The following DNAJC5B variants were observed in gnomAD, a reference collection of about 807,000 sequenced individuals.
DNAJC5B encodes DnaJ heat shock protein family (Hsp40) member C5 beta, also known as dnaJ homolog subfamily C member 5B.
DNAJC5B carries 23 observed loss-of-function variants against 24.7 expected under a neutral mutation model. The observed-to-expected ratio is 0.93, with a 90% CI of 0.67 to 1.32. The LOEUF (loss-of-function observed/expected upper bound fraction) is 1.32, where lower values mean the gene tolerates loss of function less well. Among genes scored for constraint, DNAJC5B ranks in the 40% most tolerant of loss-of-function variants. DNAJC5B has a pLI of 0.00. For missense variants in DNAJC5B, 238 were observed against 240.8 expected (o/e 0.99, Z 0.08); for synonymous variants, 101 against 90.1 (o/e 1.12, Z -0.68).
intron 2 of DNAJC5B, among the ~76,000 whole-genome samples, chr8:66,047,986 G>A (rs1014237361): frequency 6.6e-6 from 1 of 152,178 alleles, no homozygotes; most frequent in African/African-American, 2.4e-5. Flanking sequence ...AGGGAGAGTT[G>A]CAGAGAAGAG....
At chr8:66,081,370 C>T (rs986952716) in intron 5 of DNAJC5B, among the ~76,000 whole-genome samples, 55 of 152,138 alleles carry the variant, frequency 3.6e-4, no homozygotes, top group African/African-American at 1.1e-3. Flanking sequence ...TATTCTCTCT[C>T]ATAGTTATCC....
intron 3 of DNAJC5B, among the ~76,000 whole-genome samples, chr8:66,069,070 A>C (rs1202966884): frequency 6.6e-6 from 1 of 152,110 alleles, no homozygotes; most frequent in African/African-American, 2.4e-5. Flanking sequence ...GAGAAGAATG[A>C]TAAAAGAATA....
At chr8:66,031,227 A>G (rs1420808399) in intron 1 of DNAJC5B, among the ~76,000 whole-genome samples, 1 of 152,256 alleles carries the variant, frequency 6.6e-6, no homozygotes, top group East Asian at 1.9e-4. Context: ...CCCAGAGTTT[A>G]AGGTAATGAT....
intron 3 of DNAJC5B, among the ~76,000 whole-genome samples, chr8:66,063,097 T>A (rs1807120596): frequency 6.6e-6 from 1 of 152,260 alleles, no homozygotes; most frequent in South Asian, 2.1e-4. Context: ...GCTTAATTCC[T>A]CCTTGTTGAC....
intron 1 of DNAJC5B, 41 bp downstream of exon 1, chr8:66,021,746 A>C (rs1387624527): frequency 6.6e-6 from 1 of 152,242 alleles, no homozygotes; most frequent in Non-Finnish European, 1.5e-5. Context: ...GTATAAGCAC[A>C]GACGGCTTGT....
In DNAJC5B at chr8:66,043,016, C is replaced by T. The variant is rs575682384; in HGVS notation, c.-141-472C>T. Among the ~76,000 whole-genome samples, 13 of 152,150 alleles carry T rather than the reference C, an allele frequency of 8.5e-5. No individual in the cohort carries two copies. The East Asian group carries it at 1.9e-3, about 23-fold the overall frequency. ...CTAAATCATAGGAATTGTTGTCTCA[C>T]GAGACTTTTTAATGTCTGTGAGAGT... On this transcript the variant is annotated intron_variant, in intron 1 of 5. Transcript: ENST00000276570.
chr8:66,033,693 C>G (rs1193746598), intron 1 of DNAJC5B, among the ~76,000 whole-genome samples: 1 of 148,978 alleles, frequency 6.7e-6, no homozygotes, highest in South Asian at 2.1e-4. Flanking sequence ...AACACTTCCA[C>G]AAGGAAACAC....
At chr8:66,024,002 G>T (rs1294675285) in intron 1 of DNAJC5B, among the ~76,000 whole-genome samples, 1 of 152,138 alleles carries the variant, frequency 6.6e-6, no homozygotes, top group Non-Finnish European at 1.5e-5. Flanking sequence ...GAAATGAAAT[G>T]AAGAATTTTT....
rs189984355 is a variant in DNAJC5B at position 66,053,503 on chromosome 8, A to G, written c.119+1837A>G. Among the ~76,000 whole-genome samples, 6 of 152,366 alleles carry G rather than the reference A, an allele frequency of 3.9e-5. No individual in the cohort carries two copies. In the East Asian group the frequency reaches 1.2e-3, roughly 29 times the overall value. Reference sequence around the variant, plus strand: ...GCAAATTACCAAAAATGAAGGCAATAACATTTATCCATAATCCTACCTCCA... The same window carrying G: ...GCAAATTACCAAAAATGAAGGCAATGACATTTATCCATAATCCTACCTCCA... On this transcript the variant is annotated intron_variant, in intron 3 of 5. Coordinates refer to ENST00000276570, the MANE Select transcript of DNAJC5B (RefSeq NM_033105.6).
intron 5 of DNAJC5B, 56 bp downstream of exon 5, chr8:66,080,604 A>G: frequency 2.1e-6 from 3 of 1,451,940 alleles, no homozygotes; most frequent in Non-Finnish European, 2.8e-6. Context: ...CTGAGCAAGC[A>G]CCAGGTCCCA....
intron 1 of DNAJC5B, among the ~76,000 whole-genome samples, chr8:66,035,305 C>T (rs1156357153): frequency 6.6e-6 from 1 of 152,168 alleles, no homozygotes; most frequent in Non-Finnish European, 1.5e-5. Context: ...GAATGTGCTG[C>T]GCCTGTAAAA....
the DNAJC5B span, among the ~76,000 whole-genome samples, chr8:66,016,227 A>T: frequency 1.3e-5 from 2 of 152,154 alleles, no homozygotes; most frequent in Admixed American, 6.5e-5. Context: ...TTCATGAGTG[A>T]TATGGTTTGG....
At chr8:66,028,299 T>C (rs1361789754) in intron 1 of DNAJC5B, among the ~76,000 whole-genome samples, 1 of 152,208 alleles carries the variant, frequency 6.6e-6, no homozygotes, top group Non-Finnish European at 1.5e-5. Flanking sequence ...CTTTGACAAC[T>C]CATTCTTGGC....
chr8:66,024,049 C>G (rs556752972), intron 1 of DNAJC5B, among the ~76,000 whole-genome samples: 1 of 152,246 alleles, frequency 6.6e-6, no homozygotes, highest in African/African-American at 2.4e-5. Context: ...TAGTCATCAG[C>G]GCCATCATTA....
intron 5 of DNAJC5B, 80 bp from the exon 6 acceptor site, chr8:66,099,857 C>T: frequency 7.7e-7 from 1 of 1,304,966 alleles, no homozygotes; most frequent in Admixed American, 2.1e-5. Context: ...ATGAATTCAA[C>T]AAAAATACCT....
intron 3 of DNAJC5B, among the ~76,000 whole-genome samples, chr8:66,064,959 A>G (rs1184671353): frequency 1.3e-5 from 2 of 152,262 alleles, no homozygotes; most frequent in Non-Finnish European, 2.9e-5. Context: ...TACCTTAAAA[A>G]AAGATTAAGT....
intron 5 of DNAJC5B, 38 bp from the exon 6 acceptor site, chr8:66,099,899 G>T (rs375855077): frequency 1.9e-6 from 3 of 1,575,994 alleles, no homozygotes; most frequent in Non-Finnish European, 2.6e-6. Flanking sequence ...ACTGTAACAT[G>T]ATGAGAGTGT....
chr8:66,041,818 C>T (rs1425345647), intron 1 of DNAJC5B, among the ~76,000 whole-genome samples: 1 of 152,188 alleles, frequency 6.6e-6, no homozygotes, highest in Non-Finnish European at 1.5e-5. Context: ...CTGGCTGTAT[C>T]TTTTGATATC....
chr8:66,081,235 G>T (rs1365740935), intron 5 of DNAJC5B, among the ~76,000 whole-genome samples: 1 of 152,140 alleles, frequency 6.6e-6, no homozygotes, highest in African/African-American at 2.4e-5. Context: ...AGATCTCACA[G>T]GATTCACAGC....
Sources: allele counts gnomAD v4.1 joint callset (sites outside exome capture counted in the v4.1 genomes callset), GRCh38; gene constraint gnomAD v4.1.1; transcripts MANE v1.5; gene names NCBI Gene and HGNC (gene_info 2026-07-23, HGNC 2026-07-21).